The following CAST variants were observed in gnomAD, a reference collection of about 807,000 sequenced individuals.
CAST encodes the protein MIR583 host.
In CAST, 76 loss-of-function variants were observed where a neutral mutation model predicts 119.6. The ratio of observed to expected loss-of-function variants is 0.64; its 90% CI spans 0.53 to 0.77. The LOEUF (loss-of-function observed/expected upper bound fraction) is 0.77, where lower values mean the gene tolerates loss of function less well. Ranked by LOEUF, CAST falls within the 30% of genes least tolerant of loss-of-function variation. The pLI, the probability that CAST is intolerant of heterozygous loss-of-function variation, is 0.00. For synonymous variants in CAST, 319 were observed against 331.6 expected (o/e 0.96, Z 0.41); for missense variants, 953 against 946.5 (o/e 1.01, Z -0.09).
At chr5:96,363,788 C>G in the CAST span, among the ~76,000 whole-genome samples, 1 of 152,122 alleles carries the variant, frequency 6.6e-6, no homozygotes, top group African/African-American at 2.4e-5. Flanking sequence ...CAAACAGGGA[C>G]AATTTGACTA....
chr5:96,200,764 G>C, the CAST span, among the ~76,000 whole-genome samples: 1 of 152,140 alleles, frequency 6.6e-6, no homozygotes, highest in East Asian at 1.9e-4. Context: ...CTGTGGCTTA[G>C]TTTCCTTACT....
the CAST span, among the ~76,000 whole-genome samples, chr5:96,370,454 T>C: frequency 6.6e-6 from 1 of 152,146 alleles, no homozygotes; most frequent in Non-Finnish European, 1.5e-5. Flanking sequence ...ATATGCAATA[T>C]GGAACCTCAT....
the CAST span, among the ~76,000 whole-genome samples, chr5:96,142,567 G>C: frequency 6.6e-6 from 1 of 152,302 alleles, no homozygotes; most frequent in Middle Eastern, 3.4e-3. Context: ...ATCAGACTTT[G>C]ATACCTATAA....
At chr5:96,070,896 GA>G in the CAST span, among the ~76,000 whole-genome samples, 1 of 152,222 alleles carries the variant, frequency 6.6e-6, no homozygotes, top group African/African-American at 2.4e-5. Context: ...GGACTAAGGA[GA>G]ACAAGTTGGG....
the CAST span, among the ~76,000 whole-genome samples, chr5:96,160,457 G>C: frequency 6.6e-6 from 1 of 151,986 alleles, no homozygotes; most frequent in Non-Finnish European, 1.5e-5. Flanking sequence ...CCTTGTTATG[G>C]CTGAATAATA....
At chr5:96,202,697 T>C in the CAST span, among the ~76,000 whole-genome samples, 2 of 152,086 alleles carry the variant, frequency 1.3e-5, no homozygotes, top group African/African-American at 4.8e-5. Context: ...GCTGGAAAGT[T>C]GATAAATGGT....
At chr5:96,718,917 C>G (rs1312034326) in intron 3 of CAST, among the ~76,000 whole-genome samples, 1 of 152,080 alleles carries the variant, frequency 6.6e-6, no homozygotes, top group African/African-American at 2.4e-5. Flanking sequence ...GTGCCAAGTT[C>G]CGAGCCAAGC....
At chr5:96,199,846 C>A in the CAST span, among the ~76,000 whole-genome samples, 3 of 152,060 alleles carry the variant, frequency 2.0e-5, no homozygotes, top group Non-Finnish European at 2.9e-5. Context: ...AAATATTTTT[C>A]TCTCTCAGCT....
At chr5:96,651,806 G>T (rs1748098222) in intron 1 of CAST, among the ~76,000 whole-genome samples, 1 of 152,150 alleles carries the variant, frequency 6.6e-6, no homozygotes, top group African/African-American at 2.4e-5. Context: ...TATCATGTTT[G>T]TAATTGTCTC....
At chr5:96,173,767 C>T in the CAST span, among the ~76,000 whole-genome samples, 1 of 148,748 alleles carries the variant, frequency 6.7e-6, no homozygotes, top group Non-Finnish European at 1.5e-5. Flanking sequence ...TTTTGTGAGA[C>T]GGAGTCTCTG....
At chr5:96,376,312 C>T in the CAST span, among the ~76,000 whole-genome samples, 187 of 151,874 alleles carry the variant, frequency 1.2e-3, 3 homozygotes, top group East Asian at 0.021. Context: ...AACTACTGTG[C>T]GTCCAGTGGT....
the CAST span, among the ~76,000 whole-genome samples, chr5:96,367,646 A>G: frequency 3.9e-5 from 6 of 152,004 alleles, no homozygotes; most frequent in African/African-American, 1.2e-4. Flanking sequence ...TAATCTCCTG[A>G]TGTGTCGTTT....
the CAST span, chr5:96,399,822 G>GAGA: frequency 4.1e-6 from 3 of 727,030 alleles, no homozygotes; most frequent in South Asian, 4.8e-5. Context: ...GATACCCACA[G>GAGA]AGAACACTAG....
At chr5:96,735,753 ATGCCGAAG>A (rs559282733) in intron 9 of CAST, among the ~76,000 whole-genome samples, 161 of 152,354 alleles carry the variant, frequency 1.1e-3, no homozygotes, top group Non-Finnish European at 1.9e-3. Flanking sequence ...AGGTGTTGAG[ATGCCGAAG>A]TGAGGGATAT....
the CAST span, among the ~76,000 whole-genome samples, chr5:96,003,365 C>T: frequency 3.3e-5 from 5 of 151,884 alleles, no homozygotes; most frequent in South Asian, 2.1e-4. Context: ...GGTGAAACCC[C>T]GTCTCTACTA....
intron 1 of CAST, among the ~76,000 whole-genome samples, chr5:96,616,105 G>A (rs1486451123): frequency 6.6e-6 from 1 of 152,134 alleles, no homozygotes; most frequent in Non-Finnish European, 1.5e-5. Context: ...CCAGATTAAG[G>A]GTGGGTCTGT....
At chr5:96,073,955 C>T in the CAST span, among the ~76,000 whole-genome samples, 2 of 152,146 alleles carry the variant, frequency 1.3e-5, no homozygotes, top group South Asian at 2.1e-4. Context: ...ATCCTCCCAC[C>T]CCTGCCCCCA....
upstream of CAST, among the ~76,000 whole-genome samples, chr5:96,526,846 A>G (rs1745604126): frequency 6.6e-6 from 1 of 152,154 alleles, no homozygotes; most frequent in East Asian, 1.9e-4. Flanking sequence ...TTATAGTAGG[A>G]TCTGTGGCCT....
chr5:96,421,992 TTAAA>T, the CAST span: 1 of 388,366 alleles, frequency 2.6e-6, no homozygotes, highest in Admixed American at 5.3e-5. Context: ...TGTGGCAGCA[TTAAA>T]AAAAAAAAAA....
Sources: gnomAD v4.1 joint callset for allele counts (sites outside exome capture counted in the v4.1 genomes callset) on GRCh38, gnomAD v4.1.1 for gene constraint, MANE v1.5 for transcripts, NCBI Gene and HGNC (gene_info 2026-07-23, HGNC 2026-07-21) for gene names.